The following REC114 variants were observed in gnomAD, a reference collection of about 807,000 sequenced individuals.
REC114 encodes the protein REC114 meiotic recombination protein.
A neutral mutation model predicts 31.3 loss-of-function variants in REC114; 27 were observed. That is an observed-to-expected ratio of 0.86 (90% CI 0.64 to 1.19). REC114 has a LOEUF of 1.19. Ranked by LOEUF, REC114 falls within the 50% of genes most tolerant of loss-of-function variation. The probability of loss-of-function intolerance (pLI) is 0.00; values close to 1 mark genes in which losing one functional copy is unlikely to be tolerated. For synonymous variants in REC114, 134 were observed against 127.7 expected, an observed-to-expected ratio of 1.05 and a Z score of -0.33; for missense variants, 344 against 326.9, an observed-to-expected ratio of 1.05 and a Z score of -0.40.
At chr15:73,455,571 G>T (rs558842036) in intron 1 of REC114, among the ~76,000 whole-genome samples, 7 of 152,068 alleles carry the variant, frequency 4.6e-5, no homozygotes, top group Non-Finnish European at 1.0e-4. Flanking sequence ...AGTTGAGAGG[G>T]AAGATCAATT....
At chr15:73,452,436 A>G (rs1213534207) in intron 1 of REC114, among the ~76,000 whole-genome samples, 1 of 152,234 alleles carries the variant, frequency 6.6e-6, no homozygotes, top group Non-Finnish European at 1.5e-5. Context: ...AGGGATGTGA[A>G]GGACCTCTTC....
chr15:73,541,052 CT>C (rs1894231231), intron 3 of REC114, among the ~76,000 whole-genome samples: 1 of 152,120 alleles, frequency 6.6e-6, no homozygotes, highest in Admixed American at 6.5e-5. Flanking sequence ...TCAAAAATAA[CT>C]ATGAAAACCA....
At chr15:73,553,501 G>A (rs115790490) in intron 4 of REC114, among the ~76,000 whole-genome samples, 6 of 152,160 alleles carry the variant, frequency 3.9e-5, no homozygotes, top group Admixed American at 2.0e-4. Flanking sequence ...TATACCCAGT[G>A]TATGGAGTGT....
At chr15:73,527,293 T>C (rs1894021029) in intron 2 of REC114, among the ~76,000 whole-genome samples, 2 of 152,222 alleles carry the variant, frequency 1.3e-5, no homozygotes, top group African/African-American at 4.8e-5. Flanking sequence ...GTTCTGCATA[T>C]GTACAGATAG....
Position 73,466,933 on chromosome 15 carries a change from A to G in REC114, c.160-6899A>G, listed in dbSNP as rs530981199. 5.9e-5 allele frequency among the ~76,000 whole-genome samples: 9 copies of G among 152,342 alleles called. No homozygotes were observed. In the South Asian group the frequency reaches 1.7e-3, roughly 28 times the overall value. On this transcript the variant is annotated intron_variant, in intron 1 of 5. Transcript: ENST00000331090. ...CTATCATTTAAATGCACAAGAATGTAGTACCACAGGGAGGGAAAAGCCAAC... is the reference window on the plus strand; with the variant it reads ...CTATCATTTAAATGCACAAGAATGTGGTACCACAGGGAGGGAAAAGCCAAC...
chr15:73,539,371 A>G (rs1022881574), intron 2 of REC114, among the ~76,000 whole-genome samples: 1 of 138,804 alleles, frequency 7.2e-6, no homozygotes, highest in African/African-American at 2.8e-5. Context: ...GCTCACTGCA[A>G]CCTCCGCCTC....
At chr15:73,488,242 T>C (rs1333270780) in intron 2 of REC114, among the ~76,000 whole-genome samples, 1 of 152,232 alleles carries the variant, frequency 6.6e-6, no homozygotes, top group Non-Finnish European at 1.5e-5. Context: ...GAAATACTTT[T>C]GGGGTTATTT....
At chr15:73,515,695 C>T (rs1479229621) in intron 2 of REC114, among the ~76,000 whole-genome samples, 1 of 152,144 alleles carries the variant, frequency 6.6e-6, no homozygotes, top group African/African-American at 2.4e-5. Context: ...TGTGTGAGCA[C>T]ACAGCAAGAA....
intron 3 of REC114, among the ~76,000 whole-genome samples, chr15:73,543,482 A>G (rs1020818544): frequency 2.6e-5 from 4 of 152,092 alleles, no homozygotes; most frequent in African/African-American, 7.2e-5. Context: ...GGCATGCGCT[A>G]CCACACCCAG....
Position 73,514,289 on chromosome 15 carries a change from G to A in REC114, c.250-26196G>A, listed in dbSNP as rs1395670508. 2.0e-5 allele frequency among the ~76,000 whole-genome samples: 3 copies of A among 151,800 alleles called. No homozygotes were observed. The South Asian group carries it at 6.3e-4, about 32-fold the overall frequency. On this transcript the variant is annotated intron_variant, in intron 2 of 5. Transcript: ENST00000331090. Reference sequence around the variant, plus strand: ...CGCTTCCCAGGTGAGGCAATGCCGCGCCCTGCTTCGGCTCGCGCACGGTGC... The same window carrying A: ...CGCTTCCCAGGTGAGGCAATGCCGCACCCTGCTTCGGCTCGCGCACGGTGC...
At chr15:73,557,187 A>AG (rs901240805) in intron 5 of REC114, among the ~76,000 whole-genome samples, 1 of 150,860 alleles carries the variant, frequency 6.6e-6, no homozygotes, top group Admixed American at 6.6e-5. Flanking sequence ...TTCCTGCCTT[A>AG]GCCTCCTGAG....
chr15:73,479,196 T>A (rs1369006229), intron 2 of REC114, among the ~76,000 whole-genome samples: 2 of 151,360 alleles, frequency 1.3e-5, no homozygotes, highest in African/African-American at 2.4e-5. Flanking sequence ...GCTGTAGGTT[T>A]TTTTTTTTGT....
At chr15:73,470,607 A>C (rs1344645525) in intron 1 of REC114, among the ~76,000 whole-genome samples, 1 of 152,186 alleles carries the variant, frequency 6.6e-6, no homozygotes, top group Non-Finnish European at 1.5e-5. Context: ...AACAGTGTCC[A>C]AAACGGGGAA....
chr15:73,553,314 A>G (rs1894418146), intron 4 of REC114, among the ~76,000 whole-genome samples: 1 of 152,140 alleles, frequency 6.6e-6, no homozygotes, highest in South Asian at 2.1e-4. Flanking sequence ...CTTGCCTCAC[A>G]AACCCTGGAT....
intron 2 of REC114, among the ~76,000 whole-genome samples, chr15:73,511,439 T>C (rs1278931116): frequency 3.9e-5 from 6 of 152,150 alleles, no homozygotes; most frequent in Non-Finnish European, 2.9e-5. Flanking sequence ...GTGTCTCTAT[T>C]TCCTTCAGTT....
intron 2 of REC114, among the ~76,000 whole-genome samples, chr15:73,498,803 T>C (rs780634832): frequency 4.6e-5 from 7 of 152,192 alleles, no homozygotes; most frequent in Non-Finnish European, 7.4e-5. Context: ...AGATTAGAAA[T>C]AGCCTTGCCT....
chr15:73,515,524 C>T (rs59288488), intron 2 of REC114, among the ~76,000 whole-genome samples: 1 of 152,142 alleles, frequency 6.6e-6, no homozygotes, highest in African/African-American at 2.4e-5. Flanking sequence ...AAGCCCTAGC[C>T]CACAAAGTGA....
intron 2 of REC114, among the ~76,000 whole-genome samples, chr15:73,474,761 G>A (rs563670452): frequency 6.6e-6 from 1 of 152,264 alleles, no homozygotes; most frequent in South Asian, 2.1e-4. Flanking sequence ...ACAGCAATAA[G>A]CAAATAGGTC....
chr15:73,506,719 C>T (rs1329528552), intron 2 of REC114, among the ~76,000 whole-genome samples: 1 of 152,162 alleles, frequency 6.6e-6, no homozygotes, highest in African/African-American at 2.4e-5. Flanking sequence ...TAAGTCTCAT[C>T]TCTATACTCA....
Sources: gnomAD v4.1 joint callset for allele counts (sites outside exome capture counted in the v4.1 genomes callset) on GRCh38, gnomAD v4.1.1 for gene constraint, MANE v1.5 for transcripts, NCBI Gene and HGNC (gene_info 2026-07-23, HGNC 2026-07-21) for gene names.